Variants in ZBTB17 observed in about 807,000 individuals in gnomAD.
ZBTB17 encodes zinc finger and BTB domain-containing protein 17.
A neutral mutation model predicts 85.1 loss-of-function variants in ZBTB17; 24 were observed. The observed-to-expected ratio is 0.28, with a 90% CI of 0.20 to 0.40. The LOEUF (loss-of-function observed/expected upper bound fraction) is 0.40, where lower values mean the gene tolerates loss of function less well. Ranked by LOEUF, ZBTB17 falls within the 10% of genes least tolerant of loss-of-function variation. The pLI is 1.00. For synonymous variants in ZBTB17, 464 were observed against 460.2 expected, an observed-to-expected ratio of 1.01 and a Z score of -0.11; for missense variants, 743 against 1,105.1, an observed-to-expected ratio of 0.67 and a Z score of 4.65.
rs2071615329 is a variant in ZBTB17 at position 15,946,387 on chromosome 1, T to A, written c.395-93A>T. 9 of 1,540,848 alleles carry A rather than the reference T, an allele frequency of 5.8e-6. No homozygotes were observed. In the Admixed American group the frequency reaches 1.6e-4, roughly 28 times the overall value. ...CCCAGAACTTGCTAGGTCTTCCTCG[T>A]CCTCCCTAGGGTACCTCTAAGTAGT... is the stretch of plus-strand genomic sequence containing the variant. On this transcript the variant is annotated intron_variant, in intron 4 of 15. Coordinates refer to ENST00000375743, the MANE Select transcript of ZBTB17 (RefSeq NM_003443.3).
At chr1:15,944,173 TG>T (rs1365694481) in intron 9 of ZBTB17, 126 bp downstream of exon 9, 1 of 1,358,536 alleles carries the variant, frequency 7.4e-7, no homozygotes, top group Non-Finnish European at 1.0e-6. Flanking sequence ...GCCTGTTTCC[TG>T]GGTGAACAAG....
intron 2 of ZBTB17, among the ~76,000 whole-genome samples, chr1:15,967,516 C>CA (rs75034940): frequency 6.7e-4 from 94 of 140,094 alleles, no homozygotes; most frequent in Middle Eastern, 3.6e-3. Context: ...CTGTCTCTAC[C>CA]AAAAAAAAAA....
At chr1:15,944,144 C>G (rs763942895) in intron 9 of ZBTB17, 156 bp downstream of exon 9, 1 of 1,211,092 alleles carries the variant, frequency 8.3e-7, no homozygotes, top group Admixed American at 2.0e-5. Context: ...AGCTCCCCCG[C>G]GGAAGTGGCT....
At chr1:15,950,792 G>A (rs979877133) in intron 2 of ZBTB17, among the ~76,000 whole-genome samples, 2 of 152,164 alleles carry the variant, frequency 1.3e-5, no homozygotes, top group East Asian at 3.9e-4. Context: ...GACATGTGAG[G>A]AGACTCCTAG....
chr1:15,971,512 CTATA>C (rs1304206089), intron 2 of ZBTB17, among the ~76,000 whole-genome samples: 1 of 62,460 alleles, frequency 1.6e-5, no homozygotes, highest in Non-Finnish European at 3.0e-5. Flanking sequence ...TACACACACA[CTATA>C]TATATACACA....
chr1:15,965,204 T>G (rs572206588), intron 2 of ZBTB17, among the ~76,000 whole-genome samples: 10 of 151,358 alleles, frequency 6.6e-5, no homozygotes, highest in South Asian at 2.1e-4. Flanking sequence ...AGTAGGTAGT[T>G]ATAACACATA....
At chr1:15,956,055 T>C (rs1217177203) in intron 2 of ZBTB17, among the ~76,000 whole-genome samples, 2 of 152,218 alleles carry the variant, frequency 1.3e-5, no homozygotes, top group African/African-American at 2.4e-5. Context: ...CTAGTACGCA[T>C]ACCAGGGACT....
chr1:15,959,693 G>A (rs1315888886), intron 2 of ZBTB17, among the ~76,000 whole-genome samples: 1 of 152,054 alleles, frequency 6.6e-6, no homozygotes, highest in East Asian at 1.9e-4. Flanking sequence ...GATCACTTAA[G>A]CCCAGGAGTT....
chr1:15,942,276 G>C lies in ZBTB17; in HGVS notation c.2129-24C>G, dbSNP rs1003559155. 5 of 1,613,332 alleles carry C rather than the reference G, an allele frequency of 3.1e-6. No homozygotes were observed. In the African/African-American group the frequency reaches 4.0e-5, roughly 13 times the overall value. ...GTCTGTGGAGGTGGGGCAGCAGTCAGAGTGGGAAGGACCCCGGGCTCTGCC... is the reference window on the plus strand; with the variant it reads ...GTCTGTGGAGGTGGGGCAGCAGTCACAGTGGGAAGGACCCCGGGCTCTGCC... On this transcript the variant is annotated intron_variant, in intron 15 of 15. Coordinates refer to ENST00000375743, the MANE Select transcript of ZBTB17 (RefSeq NM_003443.3).
chr1:15,942,264 G>C lies in ZBTB17; in HGVS notation c.2129-12C>G. The C allele has an allele frequency of 1.2e-6, 2 of 1,613,148 alleles. No individual in the cohort carries two copies. The highest frequency in any genetic ancestry group is 1.7e-6 in the Non-Finnish European group (2 of 1,179,372). Reference sequence around the variant, plus strand: ...GTGAGTGTTGGGGTCTGTGGAGGTGGGGCAGCAGTCAGAGTGGGAAGGACC... The same window carrying C: ...GTGAGTGTTGGGGTCTGTGGAGGTGCGGCAGCAGTCAGAGTGGGAAGGACC... On this transcript the variant is annotated splice_polypyrimidine_tract_variant and intron_variant, in intron 15 of 15. Coordinates refer to ENST00000375743, the MANE Select transcript of ZBTB17 (RefSeq NM_003443.3).
In ZBTB17 at chr1:15,944,630, G is replaced by C. The variant is rs558737930; in HGVS notation, c.1071-30C>G. On this transcript the variant is annotated intron_variant, in intron 8 of 15. Transcript: ENST00000375743. ...AGGGCCAGAAGGCGACAGGAGGCAG[G>C]GCTCGCTGGGGCGTGAAAGGCCGGG... The C allele has an allele frequency of 2.5e-6, 4 of 1,600,302 alleles. No homozygotes were observed. The African/African-American group carries it at 4.0e-5, about 16-fold the overall frequency.
In ZBTB17 at chr1:15,943,417, C is replaced by A; in HGVS notation, c.1679G>T (p.Cys560Phe). ...RQHTGEKPYV[C>F]ERCGKRFVQS... ...GCAGGACCTCTTGCCGCAGCGCTCG[C>A]AGACGTAGGGCTTCTCCCCGGTGTG... Residue 560 changes from cysteine (C) to phenylalanine (F), a missense_variant, in exon 12 of 16, where the codon TGC becomes TTC. By Grantham distance (205) the Cys-to-Phe change is radical. This residue lies in a region of ZBTB17 where 321 missense variants were observed against 615.7 expected (regional missense o/e 0.52). Coordinates refer to ENST00000375743, the MANE Select transcript of ZBTB17 (RefSeq NM_003443.3). 6.2e-7 allele frequency: 1 copy of A among 1,603,970 alleles called. No individual in the cohort carries two copies.
chr1:15,955,130 G>A (rs2072000771), intron 2 of ZBTB17, among the ~76,000 whole-genome samples: 1 of 152,152 alleles, frequency 6.6e-6, no homozygotes, highest in Admixed American at 6.5e-5. Context: ...CTCCAGCCTG[G>A]GCCACAGAGT....
In ZBTB17 at chr1:15,973,856, T is replaced by C. The variant is rs946218951; in HGVS notation, c.-89-731A>G. The stretch of plus-strand genomic sequence containing the variant: ...TGGCCTACAGGCCCACTCCCTTTGA[T>C]ACATTCTTCACTTAGCCAGAGTGAT... On this transcript the variant is annotated intron_variant, in intron 1 of 15. Coordinates refer to ENST00000375743, the MANE Select transcript of ZBTB17 (RefSeq NM_003443.3). This position sits in a 1 kb window ranked among gnomAD's most constrained non-coding sequence, Gnocchi z 4.1. 6.6e-6 allele frequency among the ~76,000 whole-genome samples: 1 copy of C among 152,198 alleles called. No individual in the cohort carries two copies. The highest frequency in any genetic ancestry group is 2.4e-5 in the African/African-American group (1 of 41,434).
At chr1:15,961,719 C>T (rs538015320) in intron 2 of ZBTB17, among the ~76,000 whole-genome samples, 2 of 152,306 alleles carry the variant, frequency 1.3e-5, no homozygotes, top group South Asian at 2.1e-4. Context: ...ACCCGCCAGC[C>T]GCTTTGAAGT....
intron 9 of ZBTB17, 180 bp downstream of exon 9, chr1:15,944,120 G>A (rs1401288572): frequency 2.7e-6 from 3 of 1,112,794 alleles, no homozygotes; most frequent in Non-Finnish European, 3.9e-6. Context: ...CCTGCCCTCC[G>A]CAGAGCAACC....
Position 15,946,285 on chromosome 1 carries a change from T to C in ZBTB17, c.404A>G (p.Lys135Arg), listed in dbSNP as rs1188393328. Residue 135 changes from lysine to arginine, a missense_variant, in exon 5 of 16, where the codon AAG becomes AGG. Coordinates refer to ENST00000375743, the MANE Select transcript of ZBTB17 (RefSeq NM_003443.3). ...GGCCACCTTCTCCTCTTTGGCTCTC[T>C]TGTCCCCTCCTGGAGATGGAACAGG... ...AEALATEGGD[K>R]RAKEEKVATS... The C allele has an allele frequency of 3.7e-6, 6 of 1,612,750 alleles. No individual in the cohort carries two copies. The highest frequency in any genetic ancestry group is 2.2e-5 in the South Asian group (2 of 91,068).
At chr1:15,974,005 C>T (rs749318611) in intron 1 of ZBTB17, among the ~76,000 whole-genome samples, 26 of 152,094 alleles carry the variant, frequency 1.7e-4, no homozygotes, top group Non-Finnish European at 3.5e-4. Context: ...GTCTGGGCAA[C>T]ATAGTGAGAC....
chr1:15,967,402 G>A (rs2072481821), intron 2 of ZBTB17, among the ~76,000 whole-genome samples: 1 of 150,888 alleles, frequency 6.6e-6, no homozygotes. Flanking sequence ...TATGAGGCTG[G>A]GTTTGGTGGT....
Sources: allele counts gnomAD v4.1 joint callset (sites outside exome capture counted in the v4.1 genomes callset), GRCh38; gene constraint gnomAD v4.1.1; regional missense constraint gnomAD v4.1.1; non-coding constraint Gnocchi (gnomAD v3.1); transcripts MANE v1.5; gene names NCBI Gene and HGNC (gene_info 2026-07-23, HGNC 2026-07-21).